Variants in SORCS3 observed in about 807,000 individuals in gnomAD.
SORCS3 encodes sortilin related VPS10 domain containing receptor 3.
SORCS3 carries 57 observed loss-of-function variants against 146.3 expected under a neutral mutation model. The ratio of observed to expected loss-of-function variants is 0.39; its 90% CI spans 0.31 to 0.49. The LOEUF is 0.49. Among genes scored for constraint, SORCS3 ranks in the 20% least tolerant of loss-of-function variants. SORCS3 has a pLI of 0.92. For synonymous variants in SORCS3, 653 were observed against 618.5 expected (o/e 1.06, Z -0.83); for missense variants, 1,341 against 1,575.5 (o/e 0.85, Z 2.52).
At chr10:104,847,748 T>C (rs1194541244) in intron 2 of SORCS3, among the ~76,000 whole-genome samples, 2 of 152,172 alleles carry the variant, frequency 1.3e-5, no homozygotes, top group Non-Finnish European at 2.9e-5. Flanking sequence ...ACCTCTCTCC[T>C]CTCTTGCTTT....
intron 1 of SORCS3, among the ~76,000 whole-genome samples, chr10:104,720,999 C>T (rs188149161): frequency 2.0e-5 from 3 of 152,224 alleles, no homozygotes; most frequent in Non-Finnish European, 2.9e-5. Flanking sequence ...CATTTGTCAA[C>T]TTTGGCTTTT....
rs1273464337 is a variant in SORCS3 at position 104,971,849 on chromosome 10, T to TA, written c.796-5485dup. Among the ~76,000 whole-genome samples the TA allele has an allele frequency of 3.3e-5, 5 of 152,262 alleles. No homozygotes were observed. In the East Asian group the frequency reaches 9.6e-4, roughly 29 times the overall value. The stretch of plus-strand genomic sequence containing the variant: ...AAGGAAAAATAGATGAACATGGTGT[T>TA]ATGGAAGCCCCTGGAAGAGAATGTT... On this transcript the variant is annotated intron_variant, in intron 3 of 26. Coordinates refer to ENST00000369701, the MANE Select transcript of SORCS3 (RefSeq NM_014978.3).
chr10:104,813,584 A>C (rs573714559), intron 1 of SORCS3, among the ~76,000 whole-genome samples: 1 of 152,156 alleles, frequency 6.6e-6, no homozygotes, highest in African/African-American at 2.4e-5. Flanking sequence ...GTGCATGTAT[A>C]GGACAGAACA....
chr10:104,822,760 C>T (rs2017889031), intron 1 of SORCS3, among the ~76,000 whole-genome samples: 3 of 152,166 alleles, frequency 2.0e-5, no homozygotes, highest in Non-Finnish European at 4.4e-5. Context: ...TCAGCACTTT[C>T]CTGCTTGAAT....
intron 3 of SORCS3, among the ~76,000 whole-genome samples, chr10:104,938,662 C>T (rs957050365): frequency 1.3e-5 from 2 of 152,142 alleles, no homozygotes; most frequent in Non-Finnish European, 2.9e-5. Flanking sequence ...CCAGTGTTTC[C>T]TCCCACATTT....
intron 4 of SORCS3, among the ~76,000 whole-genome samples, chr10:104,993,592 G>A (rs1589583804): frequency 6.6e-6 from 1 of 151,752 alleles, no homozygotes; most frequent in South Asian, 2.1e-4. Context: ...TTGAAATGCT[G>A]AAAGGTGGCT....
intron 4 of SORCS3, among the ~76,000 whole-genome samples, chr10:105,008,967 T>C (rs1244957726): frequency 6.6e-6 from 1 of 152,222 alleles, no homozygotes; most frequent in African/African-American, 2.4e-5. Flanking sequence ...TTTGGCTGCA[T>C]GTTTTCTTTT....
intron 3 of SORCS3, among the ~76,000 whole-genome samples, chr10:104,974,046 C>G (rs917824561): frequency 7.2e-5 from 11 of 152,136 alleles, no homozygotes; most frequent in Non-Finnish European, 2.9e-5. Context: ...TTTGATTGCA[C>G]TGTGGTCTGA....
intron 13 of SORCS3, among the ~76,000 whole-genome samples, chr10:105,169,466 A>G (rs1297557731): frequency 6.6e-6 from 1 of 152,004 alleles, no homozygotes; most frequent in Non-Finnish European, 1.5e-5. Context: ...CTCCTGCAGC[A>G]GGTGATGTGA....
At chr10:104,758,937 C>T (rs1459764116) in intron 1 of SORCS3, among the ~76,000 whole-genome samples, 1 of 152,170 alleles carries the variant, frequency 6.6e-6, no homozygotes, top group Non-Finnish European at 1.5e-5. Context: ...TCTTGTATGG[C>T]TTGAATTGTG....
intron 4 of SORCS3, among the ~76,000 whole-genome samples, chr10:105,027,079 T>A (rs971738227): frequency 6.6e-6 from 1 of 152,214 alleles, no homozygotes; most frequent in African/African-American, 2.4e-5. Flanking sequence ...CTAACCTCTG[T>A]TACTTCCCTC....
At chr10:105,009,534 A>C (rs9420939) in intron 4 of SORCS3, among the ~76,000 whole-genome samples, 33,378 of 120,356 alleles carry the variant, frequency 0.28, 5,144 homozygotes, top group African/African-American at 0.46. Flanking sequence ...AAACAAAAAA[A>C]AAAAAAAAAA....
chr10:105,043,234 C>A, intron 5 of SORCS3, 106 bp downstream of exon 5: 1 of 975,322 alleles, frequency 1.0e-6, no homozygotes, highest in Non-Finnish European at 1.6e-6. Context: ...CAAATGTGTT[C>A]CAGTCCTTTG....
At chr10:104,775,937 C>T (rs1055098599) in intron 1 of SORCS3, among the ~76,000 whole-genome samples, 4 of 152,136 alleles carry the variant, frequency 2.6e-5, no homozygotes, top group South Asian at 2.1e-4. Context: ...CCCTCCTGCC[C>T]ATATTTCTTT....
chr10:105,173,674 T>G (rs1045410032), intron 13 of SORCS3, among the ~76,000 whole-genome samples: 2 of 152,192 alleles, frequency 1.3e-5, no homozygotes, highest in South Asian at 4.1e-4. Flanking sequence ...TCAAATTATA[T>G]TATTTCAACT....
chr10:104,794,396 G>T (rs375694229), intron 1 of SORCS3, among the ~76,000 whole-genome samples: 10 of 152,178 alleles, frequency 6.6e-5, no homozygotes, highest in Middle Eastern at 3.4e-3. Context: ...CCAAGTGGCC[G>T]CTGTGGATGG....
At chr10:105,053,072 T>C (rs2055423794) in intron 5 of SORCS3, among the ~76,000 whole-genome samples, 1 of 152,102 alleles carries the variant, frequency 6.6e-6, no homozygotes, top group Admixed American at 6.6e-5. Flanking sequence ...GGCCACCTTC[T>C]GGATGTATCA....
At chr10:104,794,263 A>G (rs1181585420) in intron 1 of SORCS3, among the ~76,000 whole-genome samples, 1 of 152,120 alleles carries the variant, frequency 6.6e-6, no homozygotes, top group East Asian at 1.9e-4. Flanking sequence ...TTTGGAAAAT[A>G]TGGCATGTGT....
intron 1 of SORCS3, among the ~76,000 whole-genome samples, chr10:104,740,977 T>C (rs1474364840): frequency 1.3e-5 from 2 of 151,904 alleles, no homozygotes; most frequent in Admixed American, 1.3e-4. Flanking sequence ...TATTATTATT[T>C]TGGAGACAGG....
Sources: allele counts gnomAD v4.1 joint callset (sites outside exome capture counted in the v4.1 genomes callset), GRCh38; gene constraint gnomAD v4.1.1; transcripts MANE v1.5; gene names NCBI Gene and HGNC (gene_info 2026-07-23, HGNC 2026-07-21).